Variants in SPAG16 observed in about 807,000 individuals in gnomAD.
SPAG16 encodes sperm-associated antigen 16 protein.
A neutral mutation model predicts 80.4 loss-of-function variants in SPAG16; 86 were observed. That is an observed-to-expected ratio of 1.07 (90% CI 0.90 to 1.28). The LOEUF (loss-of-function observed/expected upper bound fraction) is 1.28. SPAG16 is among the 50% of genes most tolerant of loss of function. The pLI, the probability that SPAG16 is intolerant of heterozygous loss-of-function variation, is 0.00. For synonymous variants in SPAG16, 294 were observed against 265.9 expected (o/e 1.11, Z -1.03); for missense variants, 870 against 765.3 (o/e 1.14, Z -1.61).
At chr2:214,362,480 T>C (rs372852166) in intron 15 of SPAG16, among the ~76,000 whole-genome samples, 17 of 152,052 alleles carry the variant, frequency 1.1e-4, no homozygotes, top group African/African-American at 3.6e-4. Context: ...TTGTTCTAAA[T>C]GGGTGAATTA....
chr2:213,764,886 G>A (rs1005811345), intron 10 of SPAG16, among the ~76,000 whole-genome samples: 5 of 152,106 alleles, frequency 3.3e-5, no homozygotes, highest in Non-Finnish European at 7.4e-5. Context: ...TGCTCATTAT[G>A]AGAAGGATAT....
chr2:213,528,337 T>A (rs1654536908), intron 10 of SPAG16, among the ~76,000 whole-genome samples: 1 of 152,148 alleles, frequency 6.6e-6, no homozygotes, highest in South Asian at 2.1e-4. Flanking sequence ...TAAAGTTTGA[T>A]GTTGTAAATA....
At chr2:214,080,524 C>T (rs866221972) in intron 13 of SPAG16, among the ~76,000 whole-genome samples, 8 of 149,464 alleles carry the variant, frequency 5.4e-5, no homozygotes, top group East Asian at 2.0e-4. Flanking sequence ...AGGAGAATGG[C>T]GTGAACCTGG....
chr2:213,903,899 C>G (rs548305422), intron 11 of SPAG16, among the ~76,000 whole-genome samples: 1 of 152,292 alleles, frequency 6.6e-6, no homozygotes, highest in East Asian at 1.9e-4. Flanking sequence ...CCACACATCT[C>G]TAGGGCAGGG....
At chr2:213,431,690 A>G (rs2070311370) in intron 9 of SPAG16, among the ~76,000 whole-genome samples, 2 of 152,240 alleles carry the variant, frequency 1.3e-5, no homozygotes, top group African/African-American at 2.4e-5. Context: ...TATAAAGATT[A>G]TAGAGACAGA....
Position 213,862,553 on chromosome 2 carries a change from G to A in SPAG16, c.1139G>A (p.Gly380Asp), listed in dbSNP as rs1011887628. 1 of 1,614,114 alleles carries A rather than the reference G, an allele frequency of 6.2e-7. No homozygotes were observed. Among genetic ancestry groups the A allele is most frequent in the Non-Finnish European group, 8.5e-7 (1 of 1,180,002 alleles). ...GAGGACCGACTCTGGAAGGTGTTGG[G>A]CCTTCCAAAATGCAATGTGCTTCTC... ...CGEDRLWKVL[G>D]LPKCNVLLTG... The change falls in exon 11 of 16, where the codon GGC becomes GAC. Residue 380 changes from glycine (G) to aspartate (D), a missense_variant. Coordinates refer to ENST00000331683, the MANE Select transcript of SPAG16 (RefSeq NM_024532.5).
intron 11 of SPAG16, among the ~76,000 whole-genome samples, chr2:213,904,621 A>T (rs1238571): frequency 7.8e-6 from 1 of 128,280 alleles, no homozygotes; most frequent in African/African-American, 2.7e-5. Context: ...AAAAAAAAAA[A>T]CAAAGTAGGT....
intron 3 of SPAG16, 72 bp downstream of exon 3, chr2:213,297,429 T>C (rs944901222): frequency 9.0e-6 from 8 of 890,180 alleles, no homozygotes; most frequent in Admixed American, 7.4e-5. Context: ...GGAAAGTCTT[T>C]TAAATGTAAA....
chr2:213,511,007 T>C (rs1400924230), intron 10 of SPAG16, among the ~76,000 whole-genome samples: 1 of 152,148 alleles, frequency 6.6e-6, no homozygotes, highest in Non-Finnish European at 1.5e-5. Context: ...CATTTTAATT[T>C]TGAAAGCCCT....
At chr2:214,174,162 A>C (rs2125643742) in intron 15 of SPAG16, among the ~76,000 whole-genome samples, 1 of 152,200 alleles carries the variant, frequency 6.6e-6, no homozygotes, top group Admixed American at 6.6e-5. Context: ...CCCTTTGAAA[A>C]CTGGCACAAG....
chr2:213,802,807 T>C (rs926077211), intron 10 of SPAG16, among the ~76,000 whole-genome samples: 26 of 152,174 alleles, frequency 1.7e-4, no homozygotes, highest in Admixed American at 4.6e-4. Flanking sequence ...CTCTCTTTTT[T>C]TAATCTTAAT....
intron 15 of SPAG16, among the ~76,000 whole-genome samples, chr2:214,153,436 A>G (rs1239409368): frequency 2.0e-5 from 3 of 152,262 alleles, no homozygotes; most frequent in East Asian, 1.9e-4. Flanking sequence ...TCTAAGATCT[A>G]TATCTGGTAT....
At position 213,961,967 on chromosome 2, in the gene SPAG16, C is replaced by T. The variant is rs377308927; in HGVS notation, c.1400+31822C>T. 2.4e-4 allele frequency among the ~76,000 whole-genome samples: 36 copies of T among 152,046 alleles called. 1 individual carries two copies. The highest frequency in any genetic ancestry group is 1.9e-3 in the East Asian group (10 of 5,160). ...TTCTGAAGTATTGATATTAATTCTTCTTTGAATGTTTGGTAGAATTCACCA... is the reference window on the plus strand; with the variant it reads ...TTCTGAAGTATTGATATTAATTCTTTTTTGAATGTTTGGTAGAATTCACCA... On this transcript the variant is annotated intron_variant, in intron 12 of 15. Coordinates refer to ENST00000331683, the MANE Select transcript of SPAG16 (RefSeq NM_024532.5).
chr2:213,598,717 CT>C (rs2060961829), intron 10 of SPAG16, among the ~76,000 whole-genome samples: 1 of 152,122 alleles, frequency 6.6e-6, no homozygotes, highest in South Asian at 2.1e-4. Flanking sequence ...ATATTTTCTC[CT>C]TTTGTGGGGA....
At chr2:213,770,723 C>A (rs2069195445) in intron 10 of SPAG16, among the ~76,000 whole-genome samples, 1 of 152,152 alleles carries the variant, frequency 6.6e-6, no homozygotes, top group Non-Finnish European at 1.5e-5. Context: ...GTTTGGTCTT[C>A]TGTTCCTGTG....
At chr2:213,854,832 A>C (rs1468104885) in intron 10 of SPAG16, among the ~76,000 whole-genome samples, 1 of 152,274 alleles carries the variant, frequency 6.6e-6, no homozygotes, top group Non-Finnish European at 1.5e-5. Flanking sequence ...GCAAATGTTT[A>C]GGGATCAGCA....
At chr2:214,313,432 G>T (rs1191191938) in intron 15 of SPAG16, among the ~76,000 whole-genome samples, 1 of 152,012 alleles carries the variant, frequency 6.6e-6, no homozygotes, top group Non-Finnish European at 1.5e-5. Flanking sequence ...CTAGAATGTT[G>T]ATAAGATATA....
At chr2:214,176,289 A>C (rs1166337672) in intron 15 of SPAG16, among the ~76,000 whole-genome samples, 1 of 151,278 alleles carries the variant, frequency 6.6e-6, no homozygotes. Flanking sequence ...TTAAAAAAAA[A>C]ACAATATTAT....
intron 5 of SPAG16, among the ~76,000 whole-genome samples, chr2:213,326,911 C>T (rs191897115): frequency 2.7e-4 from 41 of 151,936 alleles, no homozygotes; most frequent in African/African-American, 9.2e-4. Flanking sequence ...ATATTCATAT[C>T]ATATTGAAAA....
Sources: allele counts gnomAD v4.1 joint callset (sites outside exome capture counted in the v4.1 genomes callset), GRCh38; gene constraint gnomAD v4.1.1; transcripts MANE v1.5; gene names NCBI Gene and HGNC (gene_info 2026-07-23, HGNC 2026-07-21).